RIC3: variants seen among roughly 807,000 people sequenced by gnomAD.
RIC3 encodes protein RIC-3.
In RIC3, 28 loss-of-function variants were observed where a neutral mutation model predicts 27.3. That is an observed-to-expected ratio of 1.02 (90% CI 0.76 to 1.41). RIC3 has a LOEUF of 1.41. RIC3 is among the 40% of genes most tolerant of loss of function. The pLI, the probability that RIC3 is intolerant of heterozygous loss-of-function variation, is 0.00. For missense variants in RIC3, 501 were observed against 444.7 expected (o/e 1.13, Z -1.14); for synonymous variants, 184 against 160.4 (o/e 1.15, Z -1.11).
intron 1 of RIC3, among the ~76,000 whole-genome samples, chr11:8,167,796 G>A (rs911087802): frequency 4.6e-5 from 7 of 151,972 alleles, no homozygotes; most frequent in African/African-American, 1.7e-4. Flanking sequence ...GAACAAATAC[G>A]CAAAGATGTT....
intron 1 of RIC3, among the ~76,000 whole-genome samples, chr11:8,164,972 C>T (rs951503277): frequency 1.3e-5 from 2 of 152,072 alleles, no homozygotes; most frequent in Non-Finnish European, 2.9e-5. Context: ...CCATTTCATT[C>T]CTACTAGGAT....
chr11:8,102,303 G>A (rs1440466684), downstream of RIC3: 1 of 152,142 alleles, frequency 6.6e-6, no homozygotes, highest in Non-Finnish European at 1.5e-5. Flanking sequence ...ATTTCTCCAG[G>A]TTTGCTGTGT....
intron 1 of RIC3, among the ~76,000 whole-genome samples, chr11:8,168,575 G>C (rs1951954637): frequency 6.6e-6 from 1 of 152,234 alleles, no homozygotes; most frequent in Non-Finnish European, 1.5e-5. Flanking sequence ...AGCGGGGTAA[G>C]AGAGAAGGGA....
intron 5 of RIC3, among the ~76,000 whole-genome samples, chr11:8,124,696 A>G (rs1340845475): frequency 6.6e-6 from 1 of 152,260 alleles, no homozygotes; most frequent in Non-Finnish European, 1.5e-5. Context: ...TCAATGGAAC[A>G]GAATAGAGCC....
chr11:8,102,263 C>A (rs1944340323), downstream of RIC3: 1 of 152,192 alleles, frequency 6.6e-6, no homozygotes, highest in Non-Finnish European at 1.5e-5. Flanking sequence ...CTATGGGAAT[C>A]AGCTGGTGGC....
chr11:8,127,490 T>C (rs962535505), intron 4 of RIC3, among the ~76,000 whole-genome samples: 4 of 152,240 alleles, frequency 2.6e-5, no homozygotes, highest in African/African-American at 9.6e-5. Context: ...AGCACAGTGC[T>C]CAAGTTCCAC....
intron 1 of RIC3, among the ~76,000 whole-genome samples, chr11:8,148,560 A>T (rs1459529635): frequency 6.6e-6 from 1 of 152,234 alleles, no homozygotes; most frequent in Non-Finnish European, 1.5e-5. Context: ...AAAAATTAAA[A>T]ACAGGTAATT....
intron 1 of RIC3, among the ~76,000 whole-genome samples, chr11:8,156,063 C>T (rs963762867): frequency 1.3e-5 from 2 of 152,164 alleles, no homozygotes; most frequent in African/African-American, 2.4e-5. Context: ...ATTCTCAATC[C>T]ATCCTATATA....
the RIC3 span, chr11:8,100,644 GTC>G: frequency 6.3e-7 from 1 of 1,588,026 alleles, no homozygotes; most frequent in Non-Finnish European, 8.6e-7. Flanking sequence ...CATCATCCTA[GTC>G]TCTGCATGAG....
chr11:8,100,746 C>G, the RIC3 span: 5 of 1,583,406 alleles, frequency 3.2e-6, no homozygotes, highest in Non-Finnish European at 4.3e-6. Flanking sequence ...CAAGGACCCC[C>G]ATTCCCGGGA....
intron 2 of RIC3, 152 bp downstream of exon 2, chr11:8,139,815 T>A (rs1948840851): frequency 1.5e-6 from 1 of 685,838 alleles, no homozygotes; most frequent in African/African-American, 1.8e-5. Context: ...ATAATGGCTA[T>A]CCTAAGTACC....
intron 1 of RIC3, among the ~76,000 whole-genome samples, chr11:8,159,020 C>T (rs536857071): frequency 2.6e-5 from 4 of 151,622 alleles, no homozygotes; most frequent in East Asian, 4.0e-4. Flanking sequence ...CGTGAGCCAC[C>T]GCGCTCGGCC....
At chr11:8,143,733 C>T (rs1355550198) in intron 1 of RIC3, among the ~76,000 whole-genome samples, 1 of 152,074 alleles carries the variant, frequency 6.6e-6, no homozygotes, top group South Asian at 2.1e-4. Flanking sequence ...CAATCCTAAG[C>T]CAAAAGAACA....
chr11:8,127,895 A>G (rs898414273), intron 4 of RIC3, among the ~76,000 whole-genome samples: 2 of 152,224 alleles, frequency 1.3e-5, no homozygotes, highest in African/African-American at 4.8e-5. Flanking sequence ...AAATGAAAAG[A>G]GTATTTCTCC....
rs1404321553 is a variant in RIC3, at chr11:8,109,233, A to T, written c.*1465T>A. 6.6e-6 allele frequency: 1 copy of T among 152,220 alleles called. No homozygotes were observed. Among genetic ancestry groups the T allele is most frequent in the Non-Finnish European group, 1.5e-5 (1 of 68,036 alleles). 9.4% of individuals were successfully genotyped at this position (152,220 alleles called of 1,614,324 possible). A position where few individuals can be genotyped will look rare whatever the true frequency, so the allele number is the denominator to read the frequency against. ...AAACTGTTTTCCTGGCACCTTATTC[A>T]TGCCAAGCATAATGTAACTCTAAAA... On this transcript the variant is annotated 3_prime_UTR_variant, in exon 6 of 6. Transcript: ENST00000309737.
chr11:8,096,824 C>T, the RIC3 span: 9 of 1,613,770 alleles, frequency 5.6e-6, no homozygotes, highest in Admixed American at 5.0e-5. Context: ...AGTGAGTCTG[C>T]ATCCACAGCA....
At chr11:8,160,236 C>T (rs1184238710) in intron 1 of RIC3, among the ~76,000 whole-genome samples, 1 of 152,066 alleles carries the variant, frequency 6.6e-6, no homozygotes, top group Non-Finnish European at 1.5e-5. Flanking sequence ...CAAAATAATC[C>T]AGTGAATGGG....
chr11:8,134,988 T>TC (rs747373417), intron 4 of RIC3, among the ~76,000 whole-genome samples: 6 of 152,074 alleles, frequency 3.9e-5, no homozygotes, highest in Non-Finnish European at 5.9e-5. Context: ...CAGAAGCTCT[T>TC]TAGTTTAATT....
intron 2 of RIC3, 107 bp downstream of exon 2, chr11:8,139,860 G>T (rs886397788): frequency 4.1e-6 from 4 of 977,606 alleles, no homozygotes; most frequent in Middle Eastern, 2.7e-4. Flanking sequence ...AGAGATGATG[G>T]ATTTGAAATA....
Sources: gnomAD v4.1 joint callset for allele counts (sites outside exome capture counted in the v4.1 genomes callset) on GRCh38, gnomAD v4.1.1 for gene constraint, MANE v1.5 for transcripts, NCBI Gene and HGNC (gene_info 2026-07-23, HGNC 2026-07-21) for gene names.